The following SCHIP1 variants were observed in gnomAD, a reference collection of about 807,000 sequenced individuals.
SCHIP1 encodes the protein schwannomin interacting protein 1.
SCHIP1 carries 8 observed loss-of-function variants against 29.7 expected under a neutral mutation model. The observed-to-expected ratio is 0.27, with a 90% CI of 0.16 to 0.49. The LOEUF is 0.49. Ranked by LOEUF, SCHIP1 falls within the 20% of genes least tolerant of loss-of-function variation. The pLI is 0.99. For synonymous variants in SCHIP1, 76 were observed against 94.9 expected (o/e 0.80, Z 1.16); for missense variants, 193 against 294.6 (o/e 0.66, Z 2.52).
At chr3:159,429,270 T>A in the SCHIP1 span, among the ~76,000 whole-genome samples, 1 of 149,562 alleles carries the variant, frequency 6.7e-6, no homozygotes, top group African/African-American at 2.5e-5. Flanking sequence ...CCAGTGATAG[T>A]CATAAGCTCT....
chr3:159,474,207 C>T, the SCHIP1 span, among the ~76,000 whole-genome samples: 1 of 152,146 alleles, frequency 6.6e-6, no homozygotes, highest in South Asian at 2.1e-4. Context: ...ACCTCTAATG[C>T]TTCAAATAGT....
chr3:159,896,654 A>C, intron 6 of SCHIP1, 69 bp from the exon 8 acceptor site: 1 of 1,454,796 alleles, frequency 6.9e-7, no homozygotes, highest in Non-Finnish European at 9.2e-7. Flanking sequence ...AGGATGCTGT[A>C]GCTATTGATT....
At chr3:159,611,781 C>T in the SCHIP1 span, among the ~76,000 whole-genome samples, 1 of 152,140 alleles carries the variant, frequency 6.6e-6, no homozygotes, top group Non-Finnish European at 1.5e-5. Context: ...CAAGAGTGAA[C>T]TGCAGTGAAC....
chr3:159,632,271 T>C, the SCHIP1 span, among the ~76,000 whole-genome samples: 3 of 152,180 alleles, frequency 2.0e-5, no homozygotes, highest in South Asian at 2.1e-4. Flanking sequence ...TGCAGCCCCA[T>C]GTAGGCCAAG....
chr3:159,362,671 CT>C, the SCHIP1 span, among the ~76,000 whole-genome samples: 1 of 152,312 alleles, frequency 6.6e-6, no homozygotes, highest in Middle Eastern at 3.4e-3. Flanking sequence ...CCAGGAATAG[CT>C]GCCTCTCATA....
At chr3:159,423,522 C>T in the SCHIP1 span, among the ~76,000 whole-genome samples, 44 of 152,238 alleles carry the variant, frequency 2.9e-4, no homozygotes, top group Non-Finnish European at 5.7e-4. Context: ...CCTGCCATTG[C>T]CCAGGCTTGC....
chr3:159,374,186 C>T, the SCHIP1 span, among the ~76,000 whole-genome samples: 9 of 152,006 alleles, frequency 5.9e-5, no homozygotes, highest in African/African-American at 2.2e-4. Context: ...AAAACATGTT[C>T]AATAGTTTGT....
At chr3:159,819,052 GGCTGCAGTCATCT>G in the SCHIP1 span, among the ~76,000 whole-genome samples, 3 of 152,210 alleles carry the variant, frequency 2.0e-5, no homozygotes, top group Non-Finnish European at 4.4e-5. Flanking sequence ...TGTGCATTGG[GGCTGCAGTCATCT>G]GAAAGCTTGA....
At chr3:159,808,430 T>C in the SCHIP1 span, 1 of 152,270 alleles carries the variant, frequency 6.6e-6, no homozygotes, top group Non-Finnish European at 1.5e-5. Context: ...TTTTAGCTCA[T>C]GATATCTGAG....
the SCHIP1 span, among the ~76,000 whole-genome samples, chr3:159,386,199 G>A: frequency 6.6e-6 from 1 of 152,088 alleles, no homozygotes; most frequent in South Asian, 2.1e-4. Flanking sequence ...ATAATCCCTT[G>A]GGTATATACC....
At chr3:159,713,160 AAAAAAGAAGAAAGAGAAAG>A in the SCHIP1 span, among the ~76,000 whole-genome samples, 2 of 151,392 alleles carry the variant, frequency 1.3e-5, no homozygotes, top group African/African-American at 4.9e-5. Context: ...CATCAAAAAA[AAAAAAGAAGAAAGAGAAAG>A]AAAAAGGAAA....
At chr3:159,840,732 C>G (rs1447404264) in intron 1 of SCHIP1, among the ~76,000 whole-genome samples, 3 of 152,176 alleles carry the variant, frequency 2.0e-5, no homozygotes, top group African/African-American at 7.2e-5. Flanking sequence ...TCTTTCCGAA[C>G]TTATTTTTAC....
At chr3:159,586,108 A>T in the SCHIP1 span, among the ~76,000 whole-genome samples, 11 of 152,234 alleles carry the variant, frequency 7.2e-5, no homozygotes, top group East Asian at 2.1e-3. Context: ...AATCTGCTAG[A>T]TAAGCCTGAG....
chr3:159,455,612 C>G, the SCHIP1 span, among the ~76,000 whole-genome samples: 1 of 152,198 alleles, frequency 6.6e-6, no homozygotes, highest in East Asian at 1.9e-4. Flanking sequence ...ACAGGTGGCA[C>G]AAGTAAGTTC....
the SCHIP1 span, among the ~76,000 whole-genome samples, chr3:159,292,259 G>A: frequency 6.6e-6 from 1 of 152,042 alleles, no homozygotes; most frequent in Non-Finnish European, 1.5e-5. Context: ...GAGATGTAAA[G>A]TATAAGAAAA....
At chr3:159,344,254 G>C in the SCHIP1 span, among the ~76,000 whole-genome samples, 1 of 151,312 alleles carries the variant, frequency 6.6e-6, no homozygotes, top group Non-Finnish European at 1.5e-5. Flanking sequence ...CCAGGGGGCG[G>C]AGGTTGCGGT....
the SCHIP1 span, among the ~76,000 whole-genome samples, chr3:159,333,790 T>A: frequency 1.3e-5 from 2 of 151,192 alleles, no homozygotes; most frequent in East Asian, 3.9e-4. Flanking sequence ...GGAAAAAAAA[T>A]ATTTCATATT....
the SCHIP1 span, among the ~76,000 whole-genome samples, chr3:159,507,844 T>A: frequency 2.0e-5 from 3 of 152,250 alleles, no homozygotes; most frequent in Admixed American, 6.5e-5. Flanking sequence ...ATAAGCTTTT[T>A]GATGTCCTGC....
At chr3:159,279,694 A>C in the SCHIP1 span, among the ~76,000 whole-genome samples, 2 of 152,202 alleles carry the variant, frequency 1.3e-5, no homozygotes, top group South Asian at 4.2e-4. Context: ...TTCAGGTTGC[A>C]AACTATAGAA....
Sources: allele counts gnomAD v4.1 joint callset (sites outside exome capture counted in the v4.1 genomes callset), GRCh38; gene constraint gnomAD v4.1.1; transcripts MANE v1.5; gene names NCBI Gene and HGNC (gene_info 2026-07-23, HGNC 2026-07-21).